Variants in IFT80 observed in about 807,000 individuals in gnomAD.
The protein encoded by IFT80 is intraflagellar transport 80.
Under a neutral mutation model 107.9 loss-of-function variants are expected in IFT80, and 79 were observed. The observed-to-expected ratio is 0.73, with a 90% CI of 0.61 to 0.88. IFT80 has a LOEUF of 0.88. Among genes scored for constraint, IFT80 ranks in the 40% least tolerant of loss-of-function variants. The probability of loss-of-function intolerance (pLI) is 0.00; values close to 1 mark genes in which losing one functional copy is unlikely to be tolerated. For synonymous variants in IFT80, 299 were observed against 300.9 expected (o/e 0.99, Z 0.07); for missense variants, 797 against 914.2 (o/e 0.87, Z 1.65).
At chr3:160,351,300 ATAAT>A (rs1476955876) in intron 8 of IFT80, among the ~76,000 whole-genome samples, 5 of 150,052 alleles carry the variant, frequency 3.3e-5, no homozygotes, top group Non-Finnish European at 7.4e-5. Flanking sequence ...TAACAATATA[ATAAT>A]TAATTATAAG....
At chr3:160,384,236 A>T (rs1191600803) in intron 2 of IFT80, 5 of 280,882 alleles carry the variant, frequency 1.8e-5, no homozygotes, top group Non-Finnish European at 2.6e-5. Context: ...ACAGAGTGAG[A>T]CTCTGTCTCA....
rs2108240653 is a variant in IFT80 at position 160,285,801 on chromosome 3, TA to T, written c.1380+2del. 2 of 1,589,682 alleles carry T rather than the reference TA, an allele frequency of 1.3e-6. No homozygotes were observed. Among genetic ancestry groups the T allele is most frequent in the Non-Finnish European group, 1.7e-6 (2 of 1,158,446 alleles). Reference sequence around the variant, plus strand: ...TACATTAGAAGTAGTTAATGTCCATTACCTTATGAGAAAGAAACTTTCCATC... The same window carrying T: ...TACATTAGAAGTAGTTAATGTCCATTCCTTATGAGAAAGAAACTTTCCATC... On this transcript the variant is annotated splice_donor_variant, in intron 13 of 19. Transcript: ENST00000326448. LOFTEE classifies it high-confidence loss of function.
intron 7 of IFT80, among the ~76,000 whole-genome samples, chr3:160,357,083 A>T (rs1456065438): frequency 6.6e-6 from 1 of 152,138 alleles, no homozygotes; most frequent in Non-Finnish European, 1.5e-5. Flanking sequence ...TAAATATCAA[A>T]CTCTATAGAT....
chr3:160,377,700 C>A, intron 3 of IFT80, 160 bp from the exon 4 acceptor site: 1 of 474,242 alleles, frequency 2.1e-6, no homozygotes. Context: ...GGCACAAAAA[C>A]AAAATTATTT....
intron 8 of IFT80, among the ~76,000 whole-genome samples, chr3:160,323,002 T>C (rs1009504032): frequency 0.01 from 1,522 of 152,166 alleles, 25 homozygotes; most frequent in Admixed American, 0.012. Context: ...TTCACTCTAA[T>C]GGTAGTTTCT....
At chr3:160,331,077 A>C (rs1414817282) in intron 8 of IFT80, among the ~76,000 whole-genome samples, 1 of 152,146 alleles carries the variant, frequency 6.6e-6, no homozygotes, top group African/African-American at 2.4e-5. Context: ...CTAATTGAGA[A>C]CTTTCACCTT....
At chr3:160,390,459 G>A (rs1273653270) in intron 1 of IFT80, among the ~76,000 whole-genome samples, 1 of 151,790 alleles carries the variant, frequency 6.6e-6, no homozygotes, top group Non-Finnish European at 1.5e-5. Flanking sequence ...AGTTTCCTTA[G>A]GAAACAACCA....
At chr3:160,325,270 GA>G (rs1357131874) in intron 8 of IFT80, among the ~76,000 whole-genome samples, 1 of 152,010 alleles carries the variant, frequency 6.6e-6, no homozygotes, top group Non-Finnish European at 1.5e-5. Flanking sequence ...CACAGAATTG[GA>G]AAAAACTACT....
At chr3:160,328,250 T>C (rs1718818977) in intron 8 of IFT80, among the ~76,000 whole-genome samples, 1 of 151,744 alleles carries the variant, frequency 6.6e-6, no homozygotes, top group Non-Finnish European at 1.5e-5. Context: ...TCACTTGAGG[T>C]CAGGAGTTCA....
intron 18 of IFT80, among the ~76,000 whole-genome samples, chr3:160,276,095 C>G (rs1178989426): frequency 6.6e-6 from 1 of 152,008 alleles, no homozygotes; most frequent in Non-Finnish European, 1.5e-5. Flanking sequence ...GTCTCAAACT[C>G]CTGACCGTGT....
chr3:160,324,409 C>T (rs185601923), intron 8 of IFT80, among the ~76,000 whole-genome samples: 2 of 152,090 alleles, frequency 1.3e-5, no homozygotes, highest in South Asian at 4.2e-4. Context: ...AATCCAGCAG[C>T]ACATCAAAAA....
rs375206935 is a variant in IFT80, at chr3:160,301,062, T to C, written c.1152-16A>G. The C allele has an allele frequency of 3.2e-6, 5 of 1,553,696 alleles. No individual in the cohort carries two copies. In the African/African-American group the frequency reaches 4.1e-5, roughly 13 times the overall value. On this transcript the variant is annotated splice_polypyrimidine_tract_variant and intron_variant, in intron 11 of 19. Coordinates refer to ENST00000326448, the MANE Select transcript of IFT80 (RefSeq NM_020800.3). ...AAGAAAATGTCTAAAAAATAAAGAA[T>C]AGAAATAGATTCTCAAACAGGAGTA...
intron 5 of IFT80, among the ~76,000 whole-genome samples, chr3:160,370,271 G>T (rs1158074982): frequency 6.6e-6 from 1 of 152,070 alleles, no homozygotes; most frequent in African/African-American, 2.4e-5. Flanking sequence ...TAAAGTACTT[G>T]GAATAGAGTC....
intron 5 of IFT80, among the ~76,000 whole-genome samples, chr3:160,375,261 T>C (rs1711916553): frequency 6.6e-6 from 1 of 152,262 alleles, no homozygotes; most frequent in African/African-American, 2.4e-5. Context: ...GGAAGGACCA[T>C]TGGATTGACT....
At chr3:160,301,896 T>C (rs1440749812) in intron 11 of IFT80, among the ~76,000 whole-genome samples, 1 of 151,994 alleles carries the variant, frequency 6.6e-6, no homozygotes, top group Non-Finnish European at 1.5e-5. Flanking sequence ...CTGATAAACA[T>C]GTTTCAAATT....
At chr3:160,297,988 C>T (rs1716120346) in intron 12 of IFT80, among the ~76,000 whole-genome samples, 1 of 152,064 alleles carries the variant, frequency 6.6e-6, no homozygotes, top group Non-Finnish European at 1.5e-5. Context: ...CCCCAACTTC[C>T]AGACATTTGT....
chr3:160,363,289 T>C (rs1721631140), intron 6 of IFT80, among the ~76,000 whole-genome samples: 1 of 152,036 alleles, frequency 6.6e-6, no homozygotes, highest in Admixed American at 6.6e-5. Flanking sequence ...CTAAAATACC[T>C]AGGAATCCAA....
intron 8 of IFT80, among the ~76,000 whole-genome samples, chr3:160,335,282 G>C (rs1719382322): frequency 6.7e-6 from 1 of 149,214 alleles, no homozygotes; most frequent in Non-Finnish European, 1.5e-5. Context: ...CCAGGTTTGA[G>C]TGCGGTGGCA....
intron 8 of IFT80, among the ~76,000 whole-genome samples, chr3:160,353,096 T>A (rs895320509): frequency 6.6e-6 from 1 of 152,186 alleles, no homozygotes; most frequent in African/African-American, 2.4e-5. Flanking sequence ...ACTAAATTCT[T>A]AATTTTTCTA....
Sources: gnomAD v4.1 joint callset for allele counts (sites outside exome capture counted in the v4.1 genomes callset) on GRCh38, gnomAD v4.1.1 for gene constraint, MANE v1.5 for transcripts, NCBI Gene and HGNC (gene_info 2026-07-23, HGNC 2026-07-21) for gene names.